TTC7B: variants seen among roughly 807,000 people sequenced by gnomAD.
TTC7B encodes the protein tetratricopeptide repeat domain 7B, also known as tetratricopeptide repeat protein 7B.
A neutral mutation model predicts 106.8 loss-of-function variants in TTC7B; 28 were observed. The observed-to-expected ratio is 0.26, with a 90% CI of 0.19 to 0.36. TTC7B has a LOEUF of 0.36. TTC7B is among the 10% of genes least tolerant of loss of function. The pLI, the probability that TTC7B is intolerant of heterozygous loss-of-function variation, is 1.00. For synonymous variants in TTC7B, 405 were observed against 430.6 expected, an observed-to-expected ratio of 0.94 and a Z score of 0.74; for missense variants, 862 against 1,076.4, an observed-to-expected ratio of 0.80 and a Z score of 2.79.
chr14:90,625,951 C>G (rs910900220), intron 15 of TTC7B, among the ~76,000 whole-genome samples: 1 of 152,198 alleles, frequency 6.6e-6, no homozygotes, highest in East Asian at 1.9e-4. Context: ...TACTTTGCTA[C>G]TCAGAGTGTG....
At chr14:90,780,171 C>A (rs1179359187) in intron 3 of TTC7B, among the ~76,000 whole-genome samples, 1 of 152,072 alleles carries the variant, frequency 6.6e-6, no homozygotes, top group Non-Finnish European at 1.5e-5. Flanking sequence ...CACCTGATGT[C>A]AGGAGTTCGA....
chr14:90,597,420 G>A (rs1376514982), intron 17 of TTC7B, among the ~76,000 whole-genome samples: 2 of 152,216 alleles, frequency 1.3e-5, no homozygotes, highest in African/African-American at 4.8e-5. Context: ...CACCGTGGGA[G>A]GCTGAGGCAG....
chr14:90,603,782 A>G (rs1892527757), intron 17 of TTC7B, among the ~76,000 whole-genome samples: 1 of 152,212 alleles, frequency 6.6e-6, no homozygotes, highest in Non-Finnish European at 1.5e-5. Context: ...GGGACTTAAA[A>G]TCATTACAAT....
At position 90,575,414 on chromosome 14, in the gene TTC7B, T is replaced by C. The variant is rs1234079976; in HGVS notation, c.2310+2692A>G. ...GGCCTCCTCCTGGGCCTCTAGGGTA[T>C]ACGTGAAGACCCCCTTCCTCCCTTC... On this transcript the variant is annotated intron_variant, in intron 19 of 19. Coordinates refer to ENST00000328459, the MANE Select transcript of TTC7B (RefSeq NM_001010854.2). The surrounding 1 kb of genome is among the most constrained non-coding windows in gnomAD (Gnocchi z 5.2). 6.6e-6 allele frequency among the ~76,000 whole-genome samples: 1 copy of C among 152,200 alleles called. No homozygotes were observed. Among genetic ancestry groups the C allele is most frequent in the Non-Finnish European group, 1.5e-5 (1 of 68,020 alleles).
rs1302537922 is a variant in TTC7B at position 90,757,578 on chromosome 14, T to C, written c.446-12656A>G. On this transcript the variant is annotated intron_variant, in intron 3 of 19. Coordinates refer to ENST00000328459, the MANE Select transcript of TTC7B (RefSeq NM_001010854.2). The surrounding 1 kb of genome is among the most constrained non-coding windows in gnomAD (Gnocchi z 4.1). ...ATTTGCCCAAGGTCACATGGGCAAA[T>C]CCTGATCCAATGAGCTTACTACCAC... 1.3e-5 allele frequency among the ~76,000 whole-genome samples: 2 copies of C among 152,162 alleles called. No individual in the cohort carries two copies. The highest frequency in any genetic ancestry group is 2.9e-5 in the Non-Finnish European group (2 of 68,024).
intron 3 of TTC7B, among the ~76,000 whole-genome samples, chr14:90,767,248 T>A (rs1890720440): frequency 6.6e-6 from 1 of 151,910 alleles, no homozygotes; most frequent in Non-Finnish European, 1.5e-5. Context: ...ATTCTAGAGC[T>A]GAAAAAGTAC....
chr14:90,627,066 G>A (rs148888963), intron 15 of TTC7B, among the ~76,000 whole-genome samples: 2 of 151,916 alleles, frequency 1.3e-5, no homozygotes, highest in South Asian at 2.1e-4. Flanking sequence ...CAAGACCCTC[G>A]ACCTTCCAGG....
At chr14:90,747,682 A>G (rs1890011398) in intron 3 of TTC7B, among the ~76,000 whole-genome samples, 1 of 152,208 alleles carries the variant, frequency 6.6e-6, no homozygotes, top group Non-Finnish European at 1.5e-5. Flanking sequence ...ATCCTTACCA[A>G]TCATCTGTCC....
chr14:90,542,281 T>C (rs1889631745), intron 19 of TTC7B, among the ~76,000 whole-genome samples: 1 of 152,034 alleles, frequency 6.6e-6, no homozygotes, highest in East Asian at 1.9e-4. Flanking sequence ...TTGGTGGAAT[T>C]ATACTATGAG....
chr14:90,579,070 G>A (rs967875244), intron 18 of TTC7B, among the ~76,000 whole-genome samples: 11 of 152,168 alleles, frequency 7.2e-5, no homozygotes, highest in African/African-American at 1.7e-4. Context: ...TTCCAAGGGC[G>A]GCCTCCCTGC....
At chr14:90,547,803 T>G (rs1322464620) in intron 19 of TTC7B, among the ~76,000 whole-genome samples, 2 of 152,030 alleles carry the variant, frequency 1.3e-5, no homozygotes, top group African/African-American at 4.8e-5. Flanking sequence ...AAAGCTCTTT[T>G]GGGAGATTTT....
At chr14:90,799,752 G>C (rs1295608008) in intron 1 of TTC7B, among the ~76,000 whole-genome samples, 1 of 152,218 alleles carries the variant, frequency 6.6e-6, no homozygotes, top group South Asian at 2.1e-4. Flanking sequence ...GTGGCAAGGG[G>C]TCTGGCATTC....
intron 6 of TTC7B, among the ~76,000 whole-genome samples, chr14:90,691,097 C>T (rs996589773): frequency 1.3e-5 from 2 of 152,108 alleles, no homozygotes; most frequent in Admixed American, 1.3e-4. Context: ...GATCTCATTG[C>T]AGTCATATAA....
chr14:90,770,173 A>G (rs71428731), intron 3 of TTC7B, among the ~76,000 whole-genome samples: 23 of 152,308 alleles, frequency 1.5e-4, no homozygotes, highest in Non-Finnish European at 2.5e-4. Flanking sequence ...CAAATAAGAG[A>G]CAAAGAAGGA....
At chr14:90,553,096 G>A (rs539748821) in intron 19 of TTC7B, among the ~76,000 whole-genome samples, 49 of 152,282 alleles carry the variant, frequency 3.2e-4, no homozygotes, top group South Asian at 1.7e-3. Flanking sequence ...AGTGTGCCGA[G>A]TATTCCAGGA....
chr14:90,745,260 C>A (rs1889917660), intron 3 of TTC7B, among the ~76,000 whole-genome samples: 1 of 143,850 alleles, frequency 7.0e-6, no homozygotes. Context: ...TGCACCACTG[C>A]ACTCCAGCCT....
At chr14:90,816,016 C>A (rs1363660509) in intron 1 of TTC7B, among the ~76,000 whole-genome samples, 159 bp downstream of exon 1, 1 of 150,820 alleles carries the variant, frequency 6.6e-6, no homozygotes, top group Non-Finnish European at 1.5e-5. Context: ...CACCCGGGCT[C>A]CCCCAGGCCC....
intron 15 of TTC7B, among the ~76,000 whole-genome samples, chr14:90,621,633 G>A (rs1031412699): frequency 1.3e-5 from 2 of 152,242 alleles, no homozygotes; most frequent in African/African-American, 4.8e-5. Context: ...ATGGGCAGAA[G>A]CCACACAATT....
chr14:90,653,374 T>C (rs1464938046), intron 12 of TTC7B, among the ~76,000 whole-genome samples: 1 of 152,170 alleles, frequency 6.6e-6, no homozygotes, highest in Non-Finnish European at 1.5e-5. Context: ...CGACAGTAGC[T>C]TGCTGCCTTG....
Sources: allele counts gnomAD v4.1 joint callset (sites outside exome capture counted in the v4.1 genomes callset), GRCh38; gene constraint gnomAD v4.1.1; non-coding constraint Gnocchi (gnomAD v3.1); transcripts MANE v1.5; gene names NCBI Gene and HGNC (gene_info 2026-07-23, HGNC 2026-07-21).